HSD17B4: variants seen among roughly 807,000 people sequenced by gnomAD.
HSD17B4 encodes the protein hydroxysteroid 17-beta dehydrogenase 4, also known as peroxisomal multifunctional enzyme type 2.
HSD17B4 carries 70 observed loss-of-function variants against 101.0 expected under a neutral mutation model. That is an observed-to-expected ratio of 0.69 (90% confidence interval 0.57 to 0.85). The LOEUF (loss-of-function observed/expected upper bound fraction) is 0.85. Ranked by LOEUF, HSD17B4 falls within the 40% of genes least tolerant of loss-of-function variation. The pLI, the probability that HSD17B4 is intolerant of heterozygous loss-of-function variation, is 0.00. For missense variants in HSD17B4, 984 were observed against 892.4 expected (o/e 1.10, Z -1.31); for synonymous variants, 347 against 297.1 (o/e 1.17, Z -1.73).
Position 119,501,991 on chromosome 5 carries a change from C to T in HSD17B4, c.1210-50C>T, listed in dbSNP as rs199502857. ...CGAGTAACAGTATCCATAGGCAGAA[C>T]CTGTGGAGCAAGAAAGTTTGCTAAT... On this transcript the variant is annotated intron_variant, in intron 13 of 23. Transcript: ENST00000510025. 5.3e-6 allele frequency: 6 copies of T among 1,121,608 alleles called. No homozygotes were observed. The African/African-American group carries it at 7.7e-5, about 14-fold the overall frequency. The allele number at this position is 1,121,608 out of a possible 1,614,324, so 69.5% of individuals were successfully genotyped here. A position where few individuals can be genotyped will look rare whatever the true frequency, so the allele number is the denominator to read the frequency against.
chr5:119,536,363 T>G (rs1043064024), intron 22 of HSD17B4, 60 bp from the exon 23 acceptor site: 3 of 1,506,414 alleles, frequency 2.0e-6, no homozygotes, highest in African/African-American at 2.8e-5. Flanking sequence ...CTTGGTTTAT[T>G]TTACCCTCAT....
intron 14 of HSD17B4, among the ~76,000 whole-genome samples, chr5:119,505,682 T>A (rs980052145): frequency 3.9e-5 from 6 of 152,192 alleles, no homozygotes; most frequent in African/African-American, 7.2e-5. Context: ...TAGAATGATA[T>A]CATTGGTGAA....
intron 8 of HSD17B4, among the ~76,000 whole-genome samples, chr5:119,484,489 G>A (rs1749431752): frequency 6.6e-6 from 1 of 152,076 alleles, no homozygotes; most frequent in Non-Finnish European, 1.5e-5. Flanking sequence ...ATAATTGAGA[G>A]CCTACCTTTA....
chr5:119,491,273 G>A (rs114783758), intron 9 of HSD17B4, among the ~76,000 whole-genome samples: 1,840 of 152,218 alleles, frequency 0.012, 16 homozygotes, highest in African/African-American at 0.022. Flanking sequence ...ATCATAAAAG[G>A]TGTAGGCATA....
intron 23 of HSD17B4, among the ~76,000 whole-genome samples, chr5:119,541,298 G>A (rs1754968770): frequency 6.6e-6 from 1 of 152,134 alleles, no homozygotes. Flanking sequence ...GCACAACAGA[G>A]TTGTGTTATT....
chr5:119,536,546 A>C lies in HSD17B4; in HGVS notation c.2117A>C (p.Gln706Pro). The part of the protein sequence containing the change: ...MEVVLGKLDP[Q>P]KAFFSGRLKA... ...GTGGTCCTGGGCAAGCTTGACCCTC[A>C]GAAGGTAATGTTCTCAAATGTTCAT... Residue 706 changes from glutamine to proline, a missense_variant, in exon 23 of 24, where the codon CAG becomes CCG. Coordinates refer to ENST00000510025, the MANE Select transcript of HSD17B4 (RefSeq NM_000414.4). 2 of 1,611,838 alleles carry C rather than the reference A, an allele frequency of 1.2e-6. No individual in the cohort carries two copies. The highest frequency in any genetic ancestry group is 1.7e-6 in the Non-Finnish European group (2 of 1,178,198).
intron 2 of HSD17B4, among the ~76,000 whole-genome samples, chr5:119,470,313 G>A (rs1466184025): frequency 6.6e-6 from 1 of 151,994 alleles, no homozygotes. Context: ...GTGGGATGAT[G>A]GCAGATGGCA....
intron 16 of HSD17B4, among the ~76,000 whole-genome samples, chr5:119,512,439 CAG>C (rs1158790197): frequency 6.6e-6 from 1 of 151,638 alleles, no homozygotes; most frequent in Admixed American, 6.6e-5. Context: ...TGAAAATAAT[CAG>C]AGAAAAAATG....
At chr5:119,510,918 T>C (rs1414769151) in intron 16 of HSD17B4, among the ~76,000 whole-genome samples, 2 of 152,186 alleles carry the variant, frequency 1.3e-5, no homozygotes, top group Non-Finnish European at 2.9e-5. Context: ...AGTGACTGAC[T>C]TGTGAGCCTC....
At chr5:119,515,977 A>G (rs368200574) in intron 17 of HSD17B4, among the ~76,000 whole-genome samples, 62 of 152,198 alleles carry the variant, frequency 4.1e-4, no homozygotes, top group African/African-American at 1.4e-3. Flanking sequence ...ACAATTATCT[A>G]TGTAACAATC....
chr5:119,479,581 C>T lies in HSD17B4; in HGVS notation c.622+560C>T, dbSNP rs2678071. 3.5e-3 allele frequency among the ~76,000 whole-genome samples: 533 copies of T among 152,276 alleles called. 5 individuals carry two copies. Among genetic ancestry groups the T allele is most frequent in the African/African-American group, 0.012 (492 of 41,560 alleles). On this transcript the variant is annotated intron_variant, in intron 8 of 23. Transcript: ENST00000510025. ...AGTTATGTATCCACTGTTATAATGT[C>T]ATGCAGAATGGTTTTACTGCCCTAA...
At chr5:119,457,537 G>T (rs1382130152) in intron 2 of HSD17B4, among the ~76,000 whole-genome samples, 2 of 152,150 alleles carry the variant, frequency 1.3e-5, no homozygotes, top group African/African-American at 4.8e-5. Flanking sequence ...GCTTCTTCTG[G>T]CAGGGATGAA....
At chr5:119,496,134 T>G (rs766090819) in intron 11 of HSD17B4, among the ~76,000 whole-genome samples, 5 of 152,192 alleles carry the variant, frequency 3.3e-5, no homozygotes, top group Non-Finnish European at 7.3e-5. Flanking sequence ...GAGGTAATCT[T>G]GGCATTCTTT....
rs1411849104 is a variant in HSD17B4 at position 119,475,064 on chromosome 5, G to A, written c.280+604G>A. ...AAACATTACTTATTCTTAATTGAAT[G>A]TGCTCTCCCTTTTTTGTTTGGTCTA... On this transcript the variant is annotated intron_variant, in intron 4 of 23. Transcript: ENST00000510025. Among the ~76,000 whole-genome samples the A allele has an allele frequency of 2.0e-5, 3 of 151,952 alleles. No individual in the cohort carries two copies. In the East Asian group the frequency reaches 5.8e-4, roughly 29 times the overall value.
intron 12 of HSD17B4, among the ~76,000 whole-genome samples, chr5:119,498,310 A>G (rs1401660167): frequency 6.6e-6 from 1 of 152,162 alleles, no homozygotes; most frequent in Admixed American, 6.5e-5. Context: ...TATAGTAAAT[A>G]TTTTAGGCTC....
At position 119,538,031 on chromosome 5, in the gene HSD17B4, C is replaced by A. The variant is rs553012462; in HGVS notation, c.2121+1481C>A. 1.6e-3 allele frequency among the ~76,000 whole-genome samples: 243 copies of A among 152,224 alleles called. 6 individuals are homozygous for A. In the South Asian group the frequency reaches 0.048, roughly 30 times the overall value. On this transcript the variant is annotated intron_variant, in intron 23 of 23. Transcript: ENST00000510025. ...GGCCTGCCGTGCGAGGAACTTGGCT[C>A]CACTTAGTCTTCTCTGAGCTCCACA... is the stretch of plus-strand genomic sequence containing the variant.
rs1262515373 is a variant in HSD17B4, at chr5:119,527,213, A to G, written c.1761A>G (p.Gln587=). The G allele has an allele frequency of 2.5e-6, 4 of 1,593,082 alleles. No homozygotes were observed. Among genetic ancestry groups the G allele is most frequent in the East Asian group, 4.5e-5 (2 of 44,622 alleles). ...AGGAAGGAAACAGAATTCATTTTCA[A>G]ACCAAGGTATGAATTTTGCTTTTTC... ...MWKEGNRIHF[Q]TKVQETGDIV... Residue 587 remains glutamine, a synonymous_variant, in exon 20 of 24, where the codon CAA becomes CAG. Coordinates refer to ENST00000510025, the MANE Select transcript of HSD17B4 (RefSeq NM_000414.4).
rs554668361 is a variant in HSD17B4 at position 119,484,499 on chromosome 5, A to G, written c.623-4693A>G. ...AATGGATAATTGAGAGCCTACCTTT[A>G]TTTACTTATGCAATATATATATAAT... On this transcript the variant is annotated intron_variant, in intron 8 of 23. Coordinates refer to ENST00000510025, the MANE Select transcript of HSD17B4 (RefSeq NM_000414.4). 2.0e-5 allele frequency among the ~76,000 whole-genome samples: 3 copies of G among 152,188 alleles called. No individual in the cohort carries two copies. In the East Asian group the frequency reaches 5.8e-4, roughly 29 times the overall value.
At chr5:119,516,368 AT>A (rs1351383617) in intron 17 of HSD17B4, among the ~76,000 whole-genome samples, 1 of 152,178 alleles carries the variant, frequency 6.6e-6, no homozygotes, top group East Asian at 1.9e-4. Flanking sequence ...GAAATAAAAA[AT>A]ATATCTGCTA....
Sources: gnomAD v4.1 joint callset for allele counts (sites outside exome capture counted in the v4.1 genomes callset) on GRCh38, gnomAD v4.1.1 for gene constraint, MANE v1.5 for transcripts, NCBI Gene and HGNC (gene_info 2026-07-23, HGNC 2026-07-21) for gene names.